PCNT: variants seen among roughly 807,000 people sequenced by gnomAD.
PCNT encodes kendrin.
A neutral mutation model predicts 380.4 loss-of-function variants in PCNT; 319 were observed. That is an observed-to-expected ratio of 0.84 (90% CI 0.77 to 0.92). PCNT has a LOEUF of 0.92. Ranked by LOEUF, PCNT falls within the 40% of genes least tolerant of loss-of-function variation. PCNT has a pLI of 0.00. For synonymous variants in PCNT, 1,845 were observed against 1,735.2 expected, an observed-to-expected ratio of 1.06 and a Z score of -1.57; for missense variants, 4,400 against 4,255.3, an observed-to-expected ratio of 1.03 and a Z score of -0.95.
intron 16 of PCNT, among the ~76,000 whole-genome samples, chr21:46,383,649 TGCATTCAGTGGCGGAAGC>T: frequency 6.9e-6 from 1 of 145,960 alleles, no homozygotes; most frequent in Non-Finnish European, 1.5e-5. Flanking sequence ...CACGGTGTTG[TGCATTCAGTGGCGGAAGC>T]GCATTCACAG....
At position 46,430,893 on chromosome 21, in the gene PCNT, G is replaced by C. The variant is rs570317776; in HGVS notation, c.8064+236G>C. 225 of 978,474 alleles carry C rather than the reference G, an allele frequency of 2.3e-4. No homozygotes were observed. In the South Asian group the frequency reaches 2.7e-3, roughly 12 times the overall value. The allele number at this position is 978,474 out of a possible 1,614,324, so 60.6% of individuals were successfully genotyped here. A position where few individuals can be genotyped will look rare whatever the true frequency, so the allele number is the denominator to read the frequency against. ...TGGTGGCACGATACCCCTGCTCGGA[G>C]CCCCCCCCCGTCCCTGAGCACTTGC... On this transcript the variant is annotated intron_variant, in intron 37 of 46. Coordinates refer to ENST00000359568, the MANE Select transcript of PCNT (RefSeq NM_006031.6).
chr21:46,381,850 A>G lies in PCNT; in HGVS notation c.3312+10A>G. On this transcript the variant is annotated intron_variant, in intron 16 of 46. Coordinates refer to ENST00000359568, the MANE Select transcript of PCNT (RefSeq NM_006031.6). ...TCACCAAGTCCAGCAGGTGTGTGGA[A>G]TACGCTGTTCCCTTGTGATAAGACG... 1 of 1,613,986 alleles carries G rather than the reference A, an allele frequency of 6.2e-7. No individual in the cohort carries two copies. The highest frequency in any genetic ancestry group is 1.1e-5 in the South Asian group (1 of 91,092).
chr21:46,367,203 C>T, intron 15 of PCNT, 64 bp downstream of exon 15: 1 of 1,384,968 alleles, frequency 7.2e-7, no homozygotes, highest in Non-Finnish European at 1.0e-6. Flanking sequence ...TGTGTTTCCA[C>T]CGCGTGTCAC....
At chr21:46,422,465 G>C (rs1336027788) in intron 32 of PCNT, among the ~76,000 whole-genome samples, 2 of 144,842 alleles carry the variant, frequency 1.4e-5, no homozygotes, top group African/African-American at 5.6e-5. Flanking sequence ...AGAAGCCGAG[G>C]CACCAGACGC....
chr21:46,369,419 G>A (rs1427745312), intron 15 of PCNT, among the ~76,000 whole-genome samples: 2 of 152,192 alleles, frequency 1.3e-5, no homozygotes, highest in East Asian at 1.9e-4. Flanking sequence ...TGTCTTTCTG[G>A]ACAAAATTAG....
In PCNT at chr21:46,431,990, A is replaced by G; in HGVS notation, c.8526A>G (p.Thr2842=). Residue 2842 remains threonine, a synonymous_variant, in exon 38 of 47, where the codon ACA becomes ACG. Transcript: ENST00000359568. ...ALRREKEVSA[T]LKSTVEALHT... is the part of the protein sequence containing the mutation. Reference sequence around the variant, plus strand: ...GGAGAGAGAAGGAGGTAAGTGCCACACTGAAGTCGACGGTGGAAGCCCTGC... The same window carrying G: ...GGAGAGAGAAGGAGGTAAGTGCCACGCTGAAGTCGACGGTGGAAGCCCTGC... The G allele has an allele frequency of 1.9e-6, 3 of 1,613,970 alleles. No homozygotes were observed. The highest frequency in any genetic ancestry group is 2.5e-6 in the Non-Finnish European group (3 of 1,180,044).
intron 13 of PCNT, among the ~76,000 whole-genome samples, chr21:46,361,350 C>A (rs576317502): frequency 6.6e-6 from 1 of 152,324 alleles, no homozygotes; most frequent in African/African-American, 2.4e-5. Context: ...ACAATCACGC[C>A]ACTGCATTCC....
rs1422518979 is a variant in PCNT, at chr21:46,367,168, A to G, written c.3165+29A>G. The G allele has an allele frequency of 3.1e-6, 5 of 1,589,458 alleles. No individual in the cohort carries two copies. In the South Asian group the frequency reaches 5.5e-5, roughly 18 times the overall value. On this transcript the variant is annotated intron_variant, in intron 15 of 46. Coordinates refer to ENST00000359568, the MANE Select transcript of PCNT (RefSeq NM_006031.6). ...AGGCGCCAGGGCCCTGCCCCAGCCC[A>G]GGGCAGGCCTCTCCTCGCTGCCTGT...
Position 46,390,691 on chromosome 21 carries a change from C to A in PCNT, c.3862C>A (p.His1288Asn). ...SRQLEEARQI[H>N]SRFEKEFSFK... ...ACAGCTGGAAGAAGCACGCCAAATT[C>A]ATTCTCGTTTTGAAAAAGAATTTAG... The change falls in exon 20 of 47, where the codon CAT becomes AAT. Residue 1288 changes from histidine (H) to asparagine (N), a missense_variant. Transcript: ENST00000359568. 1 of 1,614,130 alleles carries A rather than the reference C, an allele frequency of 6.2e-7. No homozygotes were observed. The highest frequency in any genetic ancestry group is 1.1e-5 in the South Asian group (1 of 91,066).
chr21:46,414,697 C>T (rs2086945839), intron 29 of PCNT, among the ~76,000 whole-genome samples: 1 of 137,334 alleles, frequency 7.3e-6, no homozygotes, highest in Non-Finnish European at 1.6e-5. Context: ...GGACACACAG[C>T]TGCCCACACT....
rs1312065775 is a variant in PCNT at position 46,388,082 on chromosome 21, C to T, written c.3465-660C>T. 6.6e-6 allele frequency among the ~76,000 whole-genome samples: 1 copy of T among 152,026 alleles called. No individual in the cohort carries two copies. Among genetic ancestry groups the T allele is most frequent in the Non-Finnish European group, 1.5e-5 (1 of 67,994 alleles). ...AAAATTAGCCGGGCGTGGTGACAGA[C>T]GCCTGTAGTCCCAGCTACTCGGGAG... On this transcript the variant is annotated intron_variant, in intron 17 of 46. Coordinates refer to ENST00000359568, the MANE Select transcript of PCNT (RefSeq NM_006031.6). This position sits in a 1 kb window ranked among gnomAD's most constrained non-coding sequence, Gnocchi z 4.2.
In PCNT at chr21:46,326,287, C is replaced by T. The variant is rs1010767471; in HGVS notation, c.55-90C>T. 5 of 1,285,516 alleles carry T rather than the reference C, an allele frequency of 3.9e-6. No homozygotes were observed. In the African/African-American group the frequency reaches 7.3e-5, roughly 19 times the overall value. The allele number at this position is 1,285,516 out of a possible 1,614,324, so 79.6% of individuals were successfully genotyped here. On this transcript the variant is annotated intron_variant, in intron 1 of 46. Transcript: ENST00000359568. The stretch of plus-strand genomic sequence containing the variant: ...GTAGACTGGGTCAGCCCTCGGGCCT[C>T]ATGGTCCCCACCAGTCTGTTGACTT...
intron 31 of PCNT, chr21:46,421,099 G>C (rs546719280): frequency 3.3e-5 from 5 of 152,382 alleles, no homozygotes; most frequent in East Asian, 1.9e-4. Flanking sequence ...TGTGAATGAC[G>C]TGCCCGTTAT....
At chr21:46,374,849 CAAAAAAAAAAAAA>C in intron 15 of PCNT, among the ~76,000 whole-genome samples, 1 of 85,550 alleles carries the variant, frequency 1.2e-5, no homozygotes, top group Admixed American at 1.4e-4. Flanking sequence ...AACTTCGTCT[CAAAAAAAAAAAAA>C]AAAAAAAAAG....
chr21:46,362,866 C>CA (rs961481208), intron 13 of PCNT, among the ~76,000 whole-genome samples: 147 of 137,498 alleles, frequency 1.1e-3, no homozygotes, highest in South Asian at 1.4e-3. Context: ...GACCCTGTCT[C>CA]AAAAAAAAAA....
chr21:46,398,413 A>AT (rs1174456745), intron 24 of PCNT, among the ~76,000 whole-genome samples, 158 bp downstream of exon 24: 1 of 152,210 alleles, frequency 6.6e-6, no homozygotes, highest in Non-Finnish European at 1.5e-5. Context: ...AGGTTCGTTT[A>AT]TTTTTTTAAA....
intron 12 of PCNT, 137 bp downstream of exon 12, chr21:46,355,763 C>G: frequency 1.2e-6 from 1 of 854,808 alleles, no homozygotes; most frequent in Non-Finnish European, 1.9e-6. Flanking sequence ...CTGGGGCTGA[C>G]ACCTCAACAG....
At chr21:46,364,680 C>T (rs1176256637) in intron 14 of PCNT, among the ~76,000 whole-genome samples, 2 of 152,190 alleles carry the variant, frequency 1.3e-5, no homozygotes, top group African/African-American at 4.8e-5. Context: ...CCTGTTGGTG[C>T]TGACCCTTTT....
intron 15 of PCNT, among the ~76,000 whole-genome samples, chr21:46,372,706 T>C (rs2085193849): frequency 6.6e-6 from 1 of 152,170 alleles, no homozygotes; most frequent in South Asian, 2.1e-4. Flanking sequence ...GAGGGACTGC[T>C]CCTGAGAATG....
Sources: allele counts gnomAD v4.1 joint callset (sites outside exome capture counted in the v4.1 genomes callset), GRCh38; gene constraint gnomAD v4.1.1; non-coding constraint Gnocchi (gnomAD v3.1); transcripts MANE v1.5; gene names NCBI Gene and HGNC (gene_info 2026-07-23, HGNC 2026-07-21).